The following RIMS2 variants were observed in gnomAD, a reference collection of about 807,000 sequenced individuals.
RIMS2 encodes regulating synaptic membrane exocytosis 2, also known as regulating synaptic membrane exocytosis protein 2.
RIMS2 carries 59 observed loss-of-function variants against 174.4 expected under a neutral mutation model. That is an observed-to-expected ratio of 0.34 (90% confidence interval 0.27 to 0.42). The LOEUF (loss-of-function observed/expected upper bound fraction) is 0.42. RIMS2 is among the 10% of genes least tolerant of loss of function. The probability of loss-of-function intolerance (pLI) is 1.00; values close to 1 mark genes in which losing one functional copy is unlikely to be tolerated. For missense variants in RIMS2, 1,620 were observed against 1,666.3 expected, an observed-to-expected ratio of 0.97 and a Z score of 0.48; for synonymous variants, 606 against 572.5, an observed-to-expected ratio of 1.06 and a Z score of -0.84.
At chr8:103,756,377 T>G (rs1303836982) in intron 2 of RIMS2, among the ~76,000 whole-genome samples, 1 of 145,274 alleles carries the variant, frequency 6.9e-6, no homozygotes, top group Non-Finnish European at 1.5e-5. Context: ...TTTTTGTTGT[T>G]GTTGTTGTTT....
intron 2 of RIMS2, among the ~76,000 whole-genome samples, chr8:103,717,138 C>CTTT (rs11373218): frequency 0.11 from 12,134 of 113,064 alleles, 661 homozygotes; most frequent in Non-Finnish European, 0.15. Context: ...ATAGTGCCTT[C>CTTT]TTTTTTTTTT....
At chr8:104,126,846 C>T (rs1482923504) in intron 19 of RIMS2, among the ~76,000 whole-genome samples, 1 of 152,020 alleles carries the variant, frequency 6.6e-6, no homozygotes, top group African/African-American at 2.4e-5. Context: ...CTGCTTTGGT[C>T]TTTTATTTCC....
At position 103,646,823 on chromosome 8, in the gene RIMS2, AT is replaced by A. The variant is rs372316982; in HGVS notation, c.177-50256del. On this transcript the variant is annotated intron_variant, in intron 1 of 23. Transcript: ENST00000504942. ...CTCTCTTCCTATTTGAATAGCATTTATTTTTTTCTCTTGCCTGACTGCCCTG... is the reference window on the plus strand; with the variant it reads ...CTCTCTTCCTATTTGAATAGCATTTATTTTTTCTCTTGCCTGACTGCCCTG... Among the ~76,000 whole-genome samples the A allele has an allele frequency of 6.0e-4, 92 of 152,096 alleles. No homozygotes were observed. The East Asian group carries it at 0.016, about 26-fold the overall frequency.
Position 103,993,477 on chromosome 8 carries a change from A to G in RIMS2, c.3044+4056A>G, listed in dbSNP as rs116836200. Among the ~76,000 whole-genome samples the G allele has an allele frequency of 6.2e-3, 949 of 152,314 alleles. 11 individuals carry two copies. The highest frequency in any genetic ancestry group is 0.022 in the African/African-American group (895 of 41,578). ...TCCTTGTCAGGAAGTCAGCTACCAG[A>G]AAGTGTAACTCGTACTCATAACTAT... On this transcript the variant is annotated intron_variant, in intron 17 of 23. Coordinates refer to ENST00000504942, the Ensembl canonical transcript of RIMS2.
intron 19 of RIMS2, among the ~76,000 whole-genome samples, chr8:104,101,161 C>G (rs773999302): frequency 7.0e-6 from 1 of 142,628 alleles, no homozygotes; most frequent in Non-Finnish European, 1.5e-5. Flanking sequence ...GGGTCTCACT[C>G]TGCTGCCCAT....
chr8:103,794,711 T>C (rs1313851753), intron 3 of RIMS2, among the ~76,000 whole-genome samples: 1 of 152,162 alleles, frequency 6.6e-6, no homozygotes, highest in African/African-American at 2.4e-5. Context: ...ATCCAGAATC[T>C]ACAAAGTACT....
intron 3 of RIMS2, among the ~76,000 whole-genome samples, chr8:103,767,148 T>G (rs1400982524): frequency 6.6e-6 from 1 of 151,918 alleles, no homozygotes; most frequent in Non-Finnish European, 1.5e-5. Context: ...TTACTACCTT[T>G]GGAAGGAGAA....
chr8:104,243,933 T>C (rs557689915), intron 19 of RIMS2, among the ~76,000 whole-genome samples: 16 of 152,324 alleles, frequency 1.1e-4, no homozygotes, highest in African/African-American at 3.8e-4. Context: ...TTACTTTACA[T>C]GTGCTTGGTC....
intron 20 of RIMS2, among the ~76,000 whole-genome samples, chr8:104,247,028 G>A (rs2099337338): frequency 6.6e-6 from 1 of 151,862 alleles, no homozygotes; most frequent in Non-Finnish European, 1.5e-5. Context: ...AGCAAGGGCA[G>A]CAACAGGGAG....
chr8:103,967,561 T>C (rs953817705), intron 15 of RIMS2, among the ~76,000 whole-genome samples: 2 of 151,640 alleles, frequency 1.3e-5, no homozygotes, highest in Non-Finnish European at 1.5e-5. Context: ...GGTGCAATCT[T>C]GGCTCACTGC....
At chr8:104,169,609 T>C (rs2098820402) in intron 19 of RIMS2, among the ~76,000 whole-genome samples, 2 of 151,906 alleles carry the variant, frequency 1.3e-5, no homozygotes, top group Non-Finnish European at 2.9e-5. Flanking sequence ...TCTATCAATT[T>C]TATCTTTTCA....
chr8:103,876,264 T>G (rs1438224235), intron 3 of RIMS2, among the ~76,000 whole-genome samples: 1 of 151,968 alleles, frequency 6.6e-6, no homozygotes, highest in Non-Finnish European at 1.5e-5. Context: ...TAATCCATCT[T>G]GAGTTAATTT....
intron 6 of RIMS2, 98 bp from the exon 10 acceptor site, chr8:103,915,397 T>C: frequency 1.7e-6 from 1 of 573,758 alleles, no homozygotes; most frequent in Non-Finnish European, 3.1e-6. Flanking sequence ...ATTAGCGTTT[T>C]AGGTGTTGCA....
chr8:103,595,596 A>G (rs951980944), intron 1 of RIMS2, among the ~76,000 whole-genome samples: 2 of 151,922 alleles, frequency 1.3e-5, no homozygotes, highest in African/African-American at 4.8e-5. Flanking sequence ...AGAGAGACCT[A>G]AGCAGTCATT....
intron 2 of RIMS2, among the ~76,000 whole-genome samples, chr8:103,719,261 T>C (rs1369843333): frequency 6.6e-6 from 1 of 152,220 alleles, no homozygotes; most frequent in South Asian, 2.1e-4. Context: ...AATCAGATAC[T>C]TTTCCCAATG....
intron 3 of RIMS2, chr8:103,768,145 A>G (rs1268477075): frequency 3.2e-6 from 1 of 313,104 alleles, no homozygotes; most frequent in Non-Finnish European, 6.1e-6. Flanking sequence ...AATGGCAGTT[A>G]TAATGGTCAA....
chr8:104,147,413 G>A (rs2098650482), intron 19 of RIMS2, among the ~76,000 whole-genome samples: 1 of 150,912 alleles, frequency 6.6e-6, no homozygotes, highest in East Asian at 2.0e-4. Flanking sequence ...ATATTACATA[G>A]GTTAATAAAA....
intron 3 of RIMS2, among the ~76,000 whole-genome samples, chr8:103,824,130 T>G (rs1297209868): frequency 6.6e-6 from 1 of 152,104 alleles, no homozygotes; most frequent in East Asian, 1.9e-4. Context: ...ATTATTAGTA[T>G]ATGTCCTTAA....
chr8:103,507,693 CAT>C lies in RIMS2; in HGVS notation c.176+6634_176+6635del, dbSNP rs1824350777. ...GCTTATCTTTCTTTTGGACTAAGAG[CAT>C]ATCTTTTTTGACTAGAAACTAGAAG... is the stretch of plus-strand genomic sequence containing the variant. On this transcript the variant is annotated intron_variant, in intron 1 of 23. Transcript: ENST00000504942. Among the ~76,000 whole-genome samples the C allele has an allele frequency of 2.6e-5, 4 of 152,106 alleles. No homozygotes were observed. In the South Asian group the frequency reaches 8.3e-4, roughly 32 times the overall value.
Sources: allele counts gnomAD v4.1 joint callset (sites outside exome capture counted in the v4.1 genomes callset), GRCh38; gene constraint gnomAD v4.1.1; transcripts MANE v1.5; gene names NCBI Gene and HGNC (gene_info 2026-07-23, HGNC 2026-07-21).